The following RAB38 variants were observed in gnomAD, a reference collection of about 807,000 sequenced individuals.
The protein encoded by RAB38 is ras-related protein Rab-38.
Under a neutral mutation model 18.4 loss-of-function variants are expected in RAB38, and 15 were observed. That is an observed-to-expected ratio of 0.82 (90% confidence interval 0.55 to 1.26). RAB38 has a LOEUF of 1.26. RAB38 is among the 50% of genes most tolerant of loss of function. The probability of loss-of-function intolerance (pLI) is 0.00; values close to 1 mark genes in which losing one functional copy is unlikely to be tolerated. For synonymous variants in RAB38, 101 were observed against 104.4 expected (o/e 0.97, Z 0.20); for missense variants, 294 against 267.4 (o/e 1.10, Z -0.69).
chr11:87,951,153 T>C, the RAB38 span, among the ~76,000 whole-genome samples: 683 of 152,312 alleles, frequency 4.5e-3, 9 homozygotes, highest in African/African-American at 0.016. Flanking sequence ...CCATCACTGA[T>C]ACCCTTTCTT....
At chr11:87,971,630 A>G in the RAB38 span, among the ~76,000 whole-genome samples, 1 of 152,146 alleles carries the variant, frequency 6.6e-6, no homozygotes, top group Non-Finnish European at 1.5e-5. Context: ...TATTTTCACT[A>G]AAGTTCTATA....
the RAB38 span, among the ~76,000 whole-genome samples, chr11:87,959,098 G>T: frequency 1.3e-5 from 2 of 152,098 alleles, no homozygotes; most frequent in African/African-American, 2.4e-5. Flanking sequence ...ATGGGCCCTA[G>T]GATTAAGATC....
chr11:87,865,897 G>A, the RAB38 span, among the ~76,000 whole-genome samples: 9 of 151,658 alleles, frequency 5.9e-5, no homozygotes, highest in Non-Finnish European at 1.2e-4. Context: ...ACAGCAGATG[G>A]CCCCTAATCT....
chr11:87,818,343 T>A, the RAB38 span, among the ~76,000 whole-genome samples: 1 of 152,146 alleles, frequency 6.6e-6, no homozygotes, highest in East Asian at 1.9e-4. Context: ...AATAACACTA[T>A]TGAGATTTAC....
intron 2 of RAB38, among the ~76,000 whole-genome samples, chr11:88,128,734 G>T (rs532981923): frequency 2.6e-5 from 4 of 152,300 alleles, no homozygotes; most frequent in African/African-American, 9.6e-5. Flanking sequence ...CTTGAGGAAG[G>T]ACTCTGATGA....
the RAB38 span, among the ~76,000 whole-genome samples, chr11:87,832,474 T>C: frequency 6.6e-6 from 1 of 152,148 alleles, no homozygotes; most frequent in Admixed American, 6.6e-5. Flanking sequence ...TTGGGAAGAC[T>C]TGGCTTCTGA....
At chr11:87,885,969 G>T in the RAB38 span, among the ~76,000 whole-genome samples, 1 of 151,912 alleles carries the variant, frequency 6.6e-6, no homozygotes, top group Non-Finnish European at 1.5e-5. Flanking sequence ...TGAGTGTTGG[G>T]AGAGAAGCTG....
chr11:88,159,780 A>G (rs1163407965), intron 1 of RAB38, among the ~76,000 whole-genome samples: 3 of 152,118 alleles, frequency 2.0e-5, no homozygotes, highest in Non-Finnish European at 4.4e-5. Context: ...AGCCATATGC[A>G]GAAGAATGAT....
At chr11:87,862,842 G>A in the RAB38 span, among the ~76,000 whole-genome samples, 1 of 151,662 alleles carries the variant, frequency 6.6e-6, no homozygotes, top group African/African-American at 2.4e-5. Flanking sequence ...TGAACTTGAA[G>A]GAACTAATGT....
chr11:88,134,776 C>T lies in RAB38; in HGVS notation c.483+14899G>A, dbSNP rs1942812793. On this transcript the variant is annotated intron_variant, in intron 2 of 2. Transcript: ENST00000243662. ...CTATAATTCAGGTTCAACAAAACCA[C>T]TGCAACGATCCTTTAGATCAAATTA... Among the ~76,000 whole-genome samples the T allele has an allele frequency of 2.0e-5, 3 of 152,340 alleles. No individual in the cohort carries two copies. In the South Asian group the frequency reaches 6.2e-4, roughly 32 times the overall value.
At chr11:88,015,247 T>G in the RAB38 span, among the ~76,000 whole-genome samples, 7 of 152,288 alleles carry the variant, frequency 4.6e-5, no homozygotes, top group African/African-American at 1.7e-4. Context: ...TTCTCTTCTA[T>G]GGTTCTCAAA....
At chr11:87,956,775 G>T in the RAB38 span, among the ~76,000 whole-genome samples, 1 of 151,980 alleles carries the variant, frequency 6.6e-6, no homozygotes, top group Admixed American at 6.6e-5. Flanking sequence ...CATAAGACCC[G>T]CATTCCAGAG....
At chr11:88,036,479 C>G in the RAB38 span, among the ~76,000 whole-genome samples, 1 of 152,146 alleles carries the variant, frequency 6.6e-6, no homozygotes, top group East Asian at 1.9e-4. Context: ...TTTACCCTTT[C>G]TTTCATCCTA....
At chr11:88,052,923 T>TG in the RAB38 span, among the ~76,000 whole-genome samples, 2 of 23,682 alleles carry the variant, frequency 8.4e-5, no homozygotes, top group East Asian at 2.6e-3. Flanking sequence ...TATATATATA[T>TG]ATATATATAT....
chr11:87,833,055 C>G, the RAB38 span, among the ~76,000 whole-genome samples: 3 of 152,168 alleles, frequency 2.0e-5, no homozygotes, highest in Non-Finnish European at 2.9e-5. Context: ...TTCCCGTGGA[C>G]TTCTAAACAG....
chr11:88,168,237 T>C (rs1591180097), intron 1 of RAB38, among the ~76,000 whole-genome samples: 1 of 152,300 alleles, frequency 6.6e-6, no homozygotes, highest in Middle Eastern at 3.4e-3. Flanking sequence ...ATTGCAAATA[T>C]TGCTTTGATA....
At chr11:87,886,788 C>T in the RAB38 span, among the ~76,000 whole-genome samples, 90 of 149,778 alleles carry the variant, frequency 6.0e-4, no homozygotes, top group African/African-American at 2.0e-3. Flanking sequence ...TTGATCGAGC[C>T]GGGTTTCATG....
the RAB38 span, among the ~76,000 whole-genome samples, chr11:87,831,102 T>A: frequency 6.6e-6 from 1 of 152,154 alleles, no homozygotes; most frequent in Non-Finnish European, 1.5e-5. Flanking sequence ...CTACCGTGCC[T>A]AGCTGGAAAT....
intron 1 of RAB38, among the ~76,000 whole-genome samples, chr11:88,165,106 T>C (rs895434981): frequency 6.6e-6 from 1 of 152,086 alleles, no homozygotes; most frequent in Non-Finnish European, 1.5e-5. Context: ...AGGTTAAAAA[T>C]TAATAAATTA....
Sources: allele counts gnomAD v4.1 joint callset (sites outside exome capture counted in the v4.1 genomes callset), GRCh38; gene constraint gnomAD v4.1.1; transcripts MANE v1.5; gene names NCBI Gene and HGNC (gene_info 2026-07-23, HGNC 2026-07-21).